The following ZCCHC4 variants were observed in gnomAD, a reference collection of about 807,000 sequenced individuals.
The protein encoded by ZCCHC4 is zinc finger CCHC-type containing 4.
ZCCHC4 carries 54 observed loss-of-function variants against 67.7 expected under a neutral mutation model. The observed-to-expected ratio is 0.80, with a 90% CI of 0.64 to 1.00. The LOEUF is 1.00. ZCCHC4 is among the 50% of genes least tolerant of loss of function. The probability of loss-of-function intolerance (pLI) is 0.00; values close to 1 mark genes in which losing one functional copy is unlikely to be tolerated. For missense variants in ZCCHC4, 609 were observed against 617.0 expected (o/e 0.99, Z 0.14); for synonymous variants, 198 against 213.5 (o/e 0.93, Z 0.63).
At chr4:25,317,663 C>T (rs894833976) in intron 3 of ZCCHC4, among the ~76,000 whole-genome samples, 8 of 126,958 alleles carry the variant, frequency 6.3e-5, no homozygotes, top group Middle Eastern at 5.8e-3. Flanking sequence ...CAAGATCGTG[C>T]GACTACACTC....
intron 3 of ZCCHC4, among the ~76,000 whole-genome samples, chr4:25,318,349 CTTTTTTTTTTTT>C (rs528144406): frequency 1.1e-4 from 5 of 45,510 alleles, no homozygotes; most frequent in African/African-American, 2.0e-4. Context: ...CACTCTCTCT[CTTTTTTTTTTTT>C]TTTTTTTTTT....
In ZCCHC4 at chr4:25,333,325, A is replaced by T; in HGVS notation, c.472A>T (p.Ser158Cys). Residue 158 changes from serine (S) to cysteine (C), a missense_variant, in exon 4 of 13, where the codon AGT becomes TGT. Ser to Cys is a moderately radical substitution (Grantham distance 112). Transcript: ENST00000302874. ...GTCCATTACCCAGTTAAGAAGGCCCAGTCAACTCCTTTATCCACTGGAAAA... is the reference window on the plus strand; with the variant it reads ...GTCCATTACCCAGTTAAGAAGGCCCTGTCAACTCCTTTATCCACTGGAAAA... Reference protein sequence around the residue: ...NVSITQLRRPSQLLYPLENKK... With the variant: ...NVSITQLRRPCQLLYPLENKK... 6.2e-7 allele frequency: 1 copy of T among 1,614,164 alleles called. No homozygotes were observed.
At chr4:25,320,417 A>G (rs921976525) in intron 3 of ZCCHC4, among the ~76,000 whole-genome samples, 36 of 152,204 alleles carry the variant, frequency 2.4e-4, no homozygotes, top group Admixed American at 1.9e-3. Context: ...CTCTTAGAGA[A>G]ATGCCATAAA....
intron 8 of ZCCHC4, among the ~76,000 whole-genome samples, chr4:25,358,507 C>T (rs962975954): frequency 1.3e-5 from 2 of 152,168 alleles, no homozygotes; most frequent in Non-Finnish European, 2.9e-5. Context: ...GAGTTGTTCC[C>T]TTAATACTAG....
At chr4:25,349,824 A>T (rs938307032) in intron 7 of ZCCHC4, 182 bp downstream of exon 7, 13 of 621,864 alleles carry the variant, frequency 2.1e-5, no homozygotes, top group Non-Finnish European at 3.2e-5. Context: ...GTATTATTCT[A>T]ATCATGTGGA....
chr4:25,324,014 G>GTTGGTTTTTTTTTTTTTTT (rs1553895903), intron 3 of ZCCHC4, among the ~76,000 whole-genome samples: 2 of 82,448 alleles, frequency 2.4e-5, no homozygotes, highest in African/African-American at 1.0e-4. Flanking sequence ...TGTTTTTTGT[G>GTTGGTTTTTTTTTTTTTTT]TTTTTTTTTT....
rs765676998 is a variant in ZCCHC4, at chr4:25,312,888, G to C, written c.79G>C (p.Val27Leu). ...AGCRGSSGME[V>L]VLPLDPAVPA... is the part of the protein sequence containing the mutation. ...GTGCCGGGGAAGCTCGGGAATGGAG[G>C]TGGTGCTTCCTTTGGATCCTGCCGT... Residue 27 changes from valine (V) to leucine (L), a missense_variant, in exon 1 of 13, where the codon GTG becomes CTG. Coordinates refer to ENST00000302874, the MANE Select transcript of ZCCHC4 (RefSeq NM_024936.3). 27 of 1,612,854 alleles carry C rather than the reference G, an allele frequency of 1.7e-5. No homozygotes were observed. In the Admixed American group the frequency reaches 4.5e-4, roughly 27 times the overall value.
At chr4:25,335,225 T>C (rs1719394586) in intron 5 of ZCCHC4, among the ~76,000 whole-genome samples, 1 of 152,176 alleles carries the variant, frequency 6.6e-6, no homozygotes, top group Admixed American at 6.5e-5. Context: ...GGCTGGCAGA[T>C]CACTTGAGGT....
intron 8 of ZCCHC4, among the ~76,000 whole-genome samples, chr4:25,358,697 C>T (rs1008639381): frequency 6.6e-6 from 1 of 152,200 alleles, no homozygotes; most frequent in Non-Finnish European, 1.5e-5. Flanking sequence ...CATGACTCAG[C>T]GGGTTTGGAG....
At chr4:25,330,267 A>C (rs1435316777) in intron 3 of ZCCHC4, among the ~76,000 whole-genome samples, 1 of 152,024 alleles carries the variant, frequency 6.6e-6, no homozygotes, top group Non-Finnish European at 1.5e-5. Context: ...CTGGGATTAC[A>C]GATGTGAGCT....
Position 25,312,782 on chromosome 4 carries a change from C to T in ZCCHC4, c.-28C>T, listed in dbSNP as rs1276715185. On this transcript the variant is annotated 5_prime_UTR_variant, in exon 1 of 13. Coordinates refer to ENST00000302874, the MANE Select transcript of ZCCHC4 (RefSeq NM_024936.3). Reference sequence around the variant, plus strand: ...TCTTTCTCAGCATTCTTGTTTCGTACTGAGGCTTTCGGGACGGCGGCGGGA... The same window carrying T: ...TCTTTCTCAGCATTCTTGTTTCGTATTGAGGCTTTCGGGACGGCGGCGGGA... 2 of 1,612,544 alleles carry T rather than the reference C, an allele frequency of 1.2e-6. No individual in the cohort carries two copies. The highest frequency in any genetic ancestry group is 2.2e-5 in the East Asian group (1 of 44,848).
At position 25,345,564 on chromosome 4, in the gene ZCCHC4, A is replaced by G. The variant is rs1266500202; in HGVS notation, c.703A>G (p.Met235Val). ...DIDFRYSQFY[M>V]EDSFCHYNMF... ...ATTTTACAGGTATTCACAGTTTTAT[A>G]TGGAAGATAGCTTTTGCCATTATAA... Residue 235 changes from methionine to valine, a missense_variant, in exon 6 of 13, where the codon ATG becomes GTG. Coordinates refer to ENST00000302874, the MANE Select transcript of ZCCHC4 (RefSeq NM_024936.3). 2 of 1,552,924 alleles carry G rather than the reference A, an allele frequency of 1.3e-6. No individual in the cohort carries two copies. The highest frequency in any genetic ancestry group is 8.9e-7 in the Non-Finnish European group (1 of 1,128,614).
At chr4:25,357,654 T>G (rs1232517073) in intron 8 of ZCCHC4, among the ~76,000 whole-genome samples, 1 of 152,266 alleles carries the variant, frequency 6.6e-6, no homozygotes, top group Non-Finnish European at 1.5e-5. Context: ...GTGATTCACT[T>G]ATTAAATAGC....
At chr4:25,330,959 C>T (rs1577735264) in intron 3 of ZCCHC4, among the ~76,000 whole-genome samples, 1 of 152,318 alleles carries the variant, frequency 6.6e-6, no homozygotes, top group East Asian at 1.9e-4. Context: ...TTCTCTCTCT[C>T]TCAGTGTACA....
chr4:25,354,736 G>A (rs1029869228), intron 8 of ZCCHC4, among the ~76,000 whole-genome samples: 2 of 151,948 alleles, frequency 1.3e-5, no homozygotes, highest in South Asian at 2.1e-4. Flanking sequence ...GGGCTGAAGC[G>A]AGCCTCTCAC....
rs140083919 is a variant in ZCCHC4, at chr4:25,355,543, G to A, written c.1011+3854G>A. Reference sequence around the variant, plus strand: ...TGAGATGTTCTGCTCTCTCTTGTATGTACTTAATATGGGACACTTGTTTGG... The same window carrying A: ...TGAGATGTTCTGCTCTCTCTTGTATATACTTAATATGGGACACTTGTTTGG... On this transcript the variant is annotated intron_variant, in intron 8 of 12. Coordinates refer to ENST00000302874, the MANE Select transcript of ZCCHC4 (RefSeq NM_024936.3). 3.8e-3 allele frequency among the ~76,000 whole-genome samples: 575 copies of A among 152,192 alleles called. 2 individuals carry two copies. Among genetic ancestry groups the A allele is most frequent in the Non-Finnish European group, 6.2e-3 (425 of 68,018 alleles).
chr4:25,365,272 G>A, intron 12 of ZCCHC4, 106 bp downstream of exon 12: 1 of 1,524,088 alleles, frequency 6.6e-7, no homozygotes, highest in African/African-American at 1.4e-5. Context: ...CAAGTTAATT[G>A]TCACTTTCAC....
At chr4:25,322,007 A>G (rs1718607806) in intron 3 of ZCCHC4, among the ~76,000 whole-genome samples, 1 of 152,192 alleles carries the variant, frequency 6.6e-6, no homozygotes. Flanking sequence ...AGTTTTCACG[A>G]GGTCTGAACT....
At chr4:25,362,387 T>C in intron 10 of ZCCHC4, 86 bp downstream of exon 10, 1 of 859,282 alleles carries the variant, frequency 1.2e-6, no homozygotes, top group Non-Finnish European at 1.7e-6. Context: ...TCAATGTTAT[T>C]TTGTTAATAG....
Sources: allele counts gnomAD v4.1 joint callset (sites outside exome capture counted in the v4.1 genomes callset), GRCh38; gene constraint gnomAD v4.1.1; transcripts MANE v1.5; gene names NCBI Gene and HGNC (gene_info 2026-07-23, HGNC 2026-07-21).